The following FAM135B variants were observed in gnomAD, a reference collection of about 807,000 sequenced individuals.
FAM135B encodes family with sequence similarity 135 member B.
A neutral mutation model predicts 127.7 loss-of-function variants in FAM135B; 43 were observed. The observed-to-expected ratio is 0.34, with a 90% CI of 0.26 to 0.43. FAM135B has a LOEUF of 0.43. Among genes scored for constraint, FAM135B ranks in the 20% least tolerant of loss-of-function variants. The probability of loss-of-function intolerance (pLI) is 1.00; values close to 1 mark genes in which losing one functional copy is unlikely to be tolerated. For missense variants in FAM135B, 1,558 were observed against 1,725.6 expected, an observed-to-expected ratio of 0.90 and a Z score of 1.72; for synonymous variants, 670 against 665.1, an observed-to-expected ratio of 1.01 and a Z score of -0.11.
At chr8:138,201,328 G>T (rs1271208622) in intron 7 of FAM135B, among the ~76,000 whole-genome samples, 1 of 152,124 alleles carries the variant, frequency 6.6e-6, no homozygotes, top group Non-Finnish European at 1.5e-5. Flanking sequence ...ATGTCATAGA[G>T]ATTTTTCAAG....
chr8:138,483,861 C>T (rs115147698), intron 1 of FAM135B, among the ~76,000 whole-genome samples: 343 of 152,284 alleles, frequency 2.3e-3, no homozygotes, highest in African/African-American at 7.8e-3. Flanking sequence ...TCTAGGTATA[C>T]ACTATACGTT....
chr8:138,483,970 A>C (rs921816220), intron 1 of FAM135B, among the ~76,000 whole-genome samples: 1 of 152,222 alleles, frequency 6.6e-6, no homozygotes, highest in African/African-American at 2.4e-5. Flanking sequence ...AATAAGAAAG[A>C]GCAGATCTGC....
chr8:138,226,728 A>C (rs776537923), intron 7 of FAM135B, among the ~76,000 whole-genome samples: 5 of 152,074 alleles, frequency 3.3e-5, no homozygotes, highest in African/African-American at 4.8e-5. Flanking sequence ...TGCCCAGCTA[A>C]TTTTTATATT....
At position 138,319,696 on chromosome 8, in the gene FAM135B, C is replaced by G. The variant is rs1827325486; in HGVS notation, c.78-8776G>C. Among the ~76,000 whole-genome samples, 4 of 152,252 alleles carry G rather than the reference C, an allele frequency of 2.6e-5. No individual in the cohort carries two copies. The South Asian group carries it at 8.3e-4, about 32-fold the overall frequency. ...TCTGTATGACTGGCACTAAACTATG[C>G]CCTTTACATAATTTGGTAGGCATAA... On this transcript the variant is annotated intron_variant, in intron 2 of 19. Transcript: ENST00000395297.
chr8:138,296,511 T>A (rs1321592400), intron 3 of FAM135B, among the ~76,000 whole-genome samples: 1 of 152,236 alleles, frequency 6.6e-6, no homozygotes, highest in Non-Finnish European at 1.5e-5. Flanking sequence ...AACATAATTT[T>A]ATGAAAATAA....
intron 1 of FAM135B, among the ~76,000 whole-genome samples, chr8:138,488,159 G>A (rs987454537): frequency 6.6e-6 from 1 of 152,142 alleles, no homozygotes; most frequent in Non-Finnish European, 1.5e-5. Flanking sequence ...TGTAAATGGT[G>A]CTTAAATAGG....
intron 12 of FAM135B, among the ~76,000 whole-genome samples, chr8:138,157,872 C>T (rs1818929744): frequency 6.6e-6 from 1 of 152,184 alleles, no homozygotes; most frequent in African/African-American, 2.4e-5. Context: ...GGCCATAATG[C>T]CCAAGGTAAT....
intron 5 of FAM135B, among the ~76,000 whole-genome samples, chr8:138,252,513 A>T (rs952734665): frequency 3.9e-5 from 6 of 152,172 alleles, no homozygotes; most frequent in Non-Finnish European, 8.8e-5. Context: ...GTTAACAAGA[A>T]TTTAAGCCAC....
intron 1 of FAM135B, among the ~76,000 whole-genome samples, chr8:138,485,299 GCC>G (rs1814941265): frequency 6.6e-6 from 1 of 152,110 alleles, no homozygotes; most frequent in African/African-American, 2.4e-5. Flanking sequence ...CATTTCCAAA[GCC>G]ACACAAGGTC....
intron 7 of FAM135B, among the ~76,000 whole-genome samples, chr8:138,238,972 T>C (rs987378411): frequency 4.6e-5 from 7 of 152,178 alleles, no homozygotes; most frequent in Non-Finnish European, 8.8e-5. Flanking sequence ...TTTATCTGAG[T>C]CTGGTCAAAG....
intron 1 of FAM135B, among the ~76,000 whole-genome samples, chr8:138,418,982 G>C (rs7823497): frequency 0.61 from 91,587 of 151,338 alleles, 28,873 homozygotes; most frequent in African/African-American, 0.78. Flanking sequence ...TAAGATAACA[G>C]AATTAAATCC....
At chr8:138,232,253 G>A (rs1819960054) in intron 7 of FAM135B, among the ~76,000 whole-genome samples, 2 of 152,178 alleles carry the variant, frequency 1.3e-5, no homozygotes, top group African/African-American at 2.4e-5. Flanking sequence ...ATAGTGGGGG[G>A]GAGCCCTGGA....
At chr8:138,406,966 T>A (rs2131386795) in intron 1 of FAM135B, among the ~76,000 whole-genome samples, 1 of 150,984 alleles carries the variant, frequency 6.6e-6, no homozygotes, top group East Asian at 1.9e-4. Flanking sequence ...GAAGTCAAAT[T>A]GTCCCTGTTT....
intron 3 of FAM135B, among the ~76,000 whole-genome samples, chr8:138,289,143 T>C (rs1183763473): frequency 1.3e-5 from 2 of 152,220 alleles, no homozygotes; most frequent in African/African-American, 2.4e-5. Flanking sequence ...AGTTTCTCTG[T>C]AGATGGAAAC....
intron 3 of FAM135B, among the ~76,000 whole-genome samples, chr8:138,275,377 C>A (rs1424996927): frequency 6.6e-6 from 1 of 152,110 alleles, no homozygotes; most frequent in Non-Finnish European, 1.5e-5. Context: ...TATTTGTCTA[C>A]TAATATAAAA....
chr8:138,366,865 A>G (rs1381684830), intron 2 of FAM135B, among the ~76,000 whole-genome samples: 1 of 152,168 alleles, frequency 6.6e-6, no homozygotes, highest in Non-Finnish European at 1.5e-5. Context: ...TATTAGAAAA[A>G]CAACTTTATG....
intron 2 of FAM135B, among the ~76,000 whole-genome samples, chr8:138,324,931 A>G (rs1827699688): frequency 6.6e-6 from 1 of 152,236 alleles, no homozygotes; most frequent in African/African-American, 2.4e-5. Context: ...TTCTCTTTGC[A>G]TTAAGTACTG....
chr8:138,156,259 A>G (rs1052388259), intron 12 of FAM135B, among the ~76,000 whole-genome samples: 2 of 152,350 alleles, frequency 1.3e-5, no homozygotes, highest in Admixed American at 1.3e-4. Context: ...GAGAACAAAG[A>G]CACAACATAC....
intron 2 of FAM135B, among the ~76,000 whole-genome samples, chr8:138,351,448 C>T (rs1829777052): frequency 6.6e-6 from 1 of 152,036 alleles, no homozygotes; most frequent in Non-Finnish European, 1.5e-5. Context: ...ACTGAAAAGC[C>T]AAGGCACATC....
Sources: gnomAD v4.1 joint callset for allele counts (sites outside exome capture counted in the v4.1 genomes callset) on GRCh38, gnomAD v4.1.1 for gene constraint, MANE v1.5 for transcripts, NCBI Gene and HGNC (gene_info 2026-07-23, HGNC 2026-07-21) for gene names.